PLPP3: variants seen among roughly 807,000 people sequenced by gnomAD.
The protein encoded by PLPP3 is PAP2 beta.
PLPP3 carries 6 observed loss-of-function variants against 29.6 expected under a neutral mutation model. That is an observed-to-expected ratio of 0.20 (90% CI 0.11 to 0.40). The LOEUF is 0.40. PLPP3 is among the 10% of genes least tolerant of loss of function. PLPP3 has a pLI of 1.00. For missense variants in PLPP3, 308 were observed against 407.7 expected (o/e 0.76, Z 2.11); for synonymous variants, 152 against 159.7 (o/e 0.95, Z 0.36).
At chr1:56,523,976 G>A (rs915210327) in intron 3 of PLPP3, 96 bp from the exon 4 acceptor site, 7 of 1,384,824 alleles carry the variant, frequency 5.1e-6, no homozygotes, top group Non-Finnish European at 6.1e-6. Context: ...AACCTTGAGA[G>A]CAGGCACTAG....
chr1:56,528,607 T>C (rs1014467907), intron 2 of PLPP3, among the ~76,000 whole-genome samples: 1 of 152,042 alleles, frequency 6.6e-6, no homozygotes, highest in African/African-American at 2.4e-5. Context: ...AGGTGATATG[T>C]CAATCGCCTG....
intron 3 of PLPP3, 100 bp from the exon 4 acceptor site, chr1:56,523,980 G>A (rs913982053): frequency 4.4e-6 from 6 of 1,360,506 alleles, no homozygotes. Context: ...TTGAGAGCAG[G>A]CACTAGGCCC....
intron 2 of PLPP3, among the ~76,000 whole-genome samples, chr1:56,530,257 G>C (rs1645878701): frequency 6.7e-6 from 1 of 148,562 alleles, no homozygotes; most frequent in African/African-American, 2.5e-5. Context: ...CCCTAGGATT[G>C]TGTTCCTGGC....
At chr1:56,571,295 T>C (rs1422569715) in intron 1 of PLPP3, among the ~76,000 whole-genome samples, 1 of 152,212 alleles carries the variant, frequency 6.6e-6, no homozygotes, top group East Asian at 1.9e-4. Flanking sequence ...CACCAGGCAC[T>C]GTACTAGGCA....
At position 56,567,393 on chromosome 1, in the gene PLPP3, C is replaced by CTTTTT. The variant is rs1172831045; in HGVS notation, c.139+11480_139+11484dup. Among the ~76,000 whole-genome samples, 162 of 116,936 alleles carry CTTTTT rather than the reference C, an allele frequency of 1.4e-3. 3 individuals are homozygous for CTTTTT. The highest frequency in any genetic ancestry group is 3.7e-3 in the African/African-American group (111 of 30,178). 76.7% of individuals were successfully genotyped at this position (116,936 alleles called of 152,430 possible). ...TGTCTGCATTAATCTTAAGGTATTT[C>CTTTTT]TTTTTTTTTTTTTTTTTTTTTTGAG... On this transcript the variant is annotated intron_variant, in intron 1 of 5. Coordinates refer to ENST00000371250, the MANE Select transcript of PLPP3 (RefSeq NM_003713.5).
At chr1:56,538,422 G>T in intron 1 of PLPP3, 1 of 383,948 alleles carries the variant, frequency 2.6e-6, no homozygotes, top group East Asian at 6.6e-5. Context: ...CCTTTCAGCT[G>T]GAACTGCCAT....
chr1:56,496,434 A>T lies in PLPP3; in HGVS notation c.*117T>A, dbSNP rs1360917744. ...GTAAAACATTTTTTTTTTCCTTTTT[A>T]AAAATCAGTCGGGCAAAAGTTTTTC... On this transcript the variant is annotated 3_prime_UTR_variant, in exon 6 of 6. Coordinates refer to ENST00000371250, the MANE Select transcript of PLPP3 (RefSeq NM_003713.5). 3.0e-6 allele frequency: 4 copies of T among 1,312,388 alleles called. No homozygotes were observed. Among genetic ancestry groups the T allele is most frequent in the Non-Finnish European group, 4.2e-6 (4 of 958,016 alleles). The allele number at this position is 1,312,388 out of a possible 1,614,324, so 81.3% of individuals were successfully genotyped here.
intron 2 of PLPP3, among the ~76,000 whole-genome samples, chr1:56,528,741 T>A (rs1161749082): frequency 1.3e-5 from 2 of 151,266 alleles, no homozygotes; most frequent in African/African-American, 4.9e-5. Context: ...CCTTGGACGA[T>A]ACCATACCTA....
chr1:56,527,917 A>G (rs1645862297), intron 2 of PLPP3, among the ~76,000 whole-genome samples: 2 of 152,058 alleles, frequency 1.3e-5, no homozygotes, highest in Non-Finnish European at 2.9e-5. Flanking sequence ...GACTTTATTC[A>G]TTACTCACAA....
intron 1 of PLPP3, among the ~76,000 whole-genome samples, chr1:56,563,562 TTC>T (rs1646143740): frequency 6.6e-6 from 1 of 152,166 alleles, no homozygotes; most frequent in African/African-American, 2.4e-5. Flanking sequence ...GGAACTGAGA[TTC>T]TCTCTGATAT....
chr1:56,535,905 C>A (rs183623453), intron 2 of PLPP3, among the ~76,000 whole-genome samples: 2 of 152,252 alleles, frequency 1.3e-5, no homozygotes, highest in Admixed American at 1.3e-4. Context: ...TTGAGGGAAT[C>A]CAAACAGCAA....
At chr1:56,517,387 A>G (rs940266131) in intron 4 of PLPP3, among the ~76,000 whole-genome samples, 3 of 152,266 alleles carry the variant, frequency 2.0e-5, no homozygotes, top group Non-Finnish European at 2.9e-5. Flanking sequence ...CTTTTCCTTT[A>G]GAAGAAAATC....
intron 3 of PLPP3, 78 bp from the exon 4 acceptor site, chr1:56,523,958 T>C: frequency 6.6e-7 from 1 of 1,506,904 alleles, no homozygotes; most frequent in Non-Finnish European, 9.2e-7. Flanking sequence ...CTTCCCTCCC[T>C]AGACTGTAAC....
intron 2 of PLPP3, among the ~76,000 whole-genome samples, chr1:56,528,904 TCTA>T (rs2100255696): frequency 6.6e-6 from 1 of 150,978 alleles, no homozygotes; most frequent in African/African-American, 2.4e-5. Context: ...ACAACCCTAC[TCTA>T]CTGTTTTGTG....
chr1:56,569,278 T>C (rs915669123), intron 1 of PLPP3, among the ~76,000 whole-genome samples: 2 of 152,040 alleles, frequency 1.3e-5, no homozygotes. Flanking sequence ...GTTCAAGTGA[T>C]TCTCCTGCCT....
Position 56,524,268 on chromosome 1 carries a change from G to A in PLPP3, c.575+9C>T. 1.2e-6 allele frequency: 2 copies of A among 1,612,700 alleles called. No homozygotes were observed. The highest frequency in any genetic ancestry group is 2.2e-5 in the South Asian group (2 of 91,012). On this transcript the variant is annotated intron_variant, in intron 3 of 5. Coordinates refer to ENST00000371250, the MANE Select transcript of PLPP3 (RefSeq NM_003713.5). The surrounding 1 kb of genome is among the most constrained non-coding windows in gnomAD (Gnocchi z 4.3). ...TCCAGGCTCTGGCCATGCGGAGGTG[G>A]TGTCTCACCTGGCTTCCTGGACTTT...
rs994318574 is a variant in PLPP3 at position 56,564,985 on chromosome 1, C to T, written c.139+13893G>A. ...ACTTGCTTCCAAGGAAGACACTGTG[C>T]TTCTAATGAAAACATCCATTAAGGC... On this transcript the variant is annotated intron_variant, in intron 1 of 5. Coordinates refer to ENST00000371250, the MANE Select transcript of PLPP3 (RefSeq NM_003713.5). Among the ~76,000 whole-genome samples, 6 of 152,370 alleles carry T rather than the reference C, an allele frequency of 3.9e-5. No individual in the cohort carries two copies. The South Asian group carries it at 6.2e-4, about 16-fold the overall frequency.
At chr1:56,561,561 A>C (rs1646128362) in intron 1 of PLPP3, among the ~76,000 whole-genome samples, 2 of 152,172 alleles carry the variant, frequency 1.3e-5, no homozygotes, top group Non-Finnish European at 2.9e-5. Flanking sequence ...GTGGTATTAT[A>C]GGCAACAAAA....
intron 4 of PLPP3, among the ~76,000 whole-genome samples, chr1:56,514,150 A>G (rs1645765631): frequency 6.6e-6 from 1 of 152,184 alleles, no homozygotes; most frequent in Non-Finnish European, 1.5e-5. Context: ...CCTGACATAT[A>G]GAGCAGACAG....
Sources: gnomAD v4.1 joint callset for allele counts (sites outside exome capture counted in the v4.1 genomes callset) on GRCh38, gnomAD v4.1.1 for gene constraint, Gnocchi (gnomAD v3.1) non-coding constraint, MANE v1.5 for transcripts, NCBI Gene and HGNC (gene_info 2026-07-23, HGNC 2026-07-21) for gene names.